Variants in GATAD2B observed in about 807,000 individuals in gnomAD.
GATAD2B encodes the protein transcriptional repressor p66-beta.
In GATAD2B, 8 loss-of-function variants were observed where a neutral mutation model predicts 64.3. The ratio of observed to expected loss-of-function variants is 0.12; its 90% CI spans 0.07 to 0.22. The LOEUF is 0.22. GATAD2B is among the 10% of genes least tolerant of loss of function. GATAD2B has a pLI of 1.00. For synonymous variants in GATAD2B, 281 were observed against 271.3 expected, an observed-to-expected ratio of 1.04 and a Z score of -0.35; for missense variants, 453 against 752.0, an observed-to-expected ratio of 0.60 and a Z score of 4.65.
In GATAD2B at chr1:153,836,531, G is replaced by T. The variant is rs1177390778; in HGVS notation, c.-1-8183C>A. 1.5e-4 allele frequency among the ~76,000 whole-genome samples: 22 copies of T among 148,042 alleles called. No individual in the cohort carries two copies. In the Admixed American group the frequency reaches 1.5e-3, roughly 10 times the overall value. ...CTCCCAAAGTGCTGGGATTACAGGC[G>T]TGAGCCACTGCACCCAGCCTAAAAA... On this transcript the variant is annotated intron_variant, in intron 1 of 10. Coordinates refer to ENST00000368655, the MANE Select transcript of GATAD2B (RefSeq NM_020699.4).
chr1:153,830,429 A>C (rs915285137), intron 1 of GATAD2B, among the ~76,000 whole-genome samples: 5 of 151,026 alleles, frequency 3.3e-5, no homozygotes, highest in African/African-American at 1.2e-4. Flanking sequence ...CACAGGCATT[A>C]GCCACTGTGC....
chr1:153,849,004 T>C, intron 1 of GATAD2B, among the ~76,000 whole-genome samples: 1 of 149,768 alleles, frequency 6.7e-6, no homozygotes, highest in East Asian at 2.0e-4. Flanking sequence ...GGGTAATTTA[T>C]ATAGGGGTAT....
intron 1 of GATAD2B, among the ~76,000 whole-genome samples, chr1:153,856,155 T>C (rs1676076658): frequency 6.6e-6 from 1 of 152,264 alleles, no homozygotes; most frequent in Non-Finnish European, 1.5e-5. Flanking sequence ...AGGACCCTTA[T>C]GATTATATTG....
intron 1 of GATAD2B, among the ~76,000 whole-genome samples, chr1:153,855,149 T>C (rs1307537032): frequency 6.6e-6 from 1 of 152,168 alleles, no homozygotes; most frequent in Non-Finnish European, 1.5e-5. Flanking sequence ...ATCTTGTTGG[T>C]TATAATGGTA....
In GATAD2B at chr1:153,878,218, G is replaced by C. The variant is rs188130898; in HGVS notation, c.-2+44515C>G. Among the ~76,000 whole-genome samples the C allele has an allele frequency of 5.3e-3, 797 of 149,912 alleles. 5 individuals carry two copies. Among genetic ancestry groups the C allele is most frequent in the South Asian group, 0.018 (86 of 4,770 alleles). ...GGGTCTCACTTTGTTTTCCAGGCTAGAGTGCAGTGGTGCAATCATGGCTCA... is the reference window on the plus strand; with the variant it reads ...GGGTCTCACTTTGTTTTCCAGGCTACAGTGCAGTGGTGCAATCATGGCTCA... On this transcript the variant is annotated intron_variant, in intron 1 of 10. Coordinates refer to ENST00000368655, the MANE Select transcript of GATAD2B (RefSeq NM_020699.4).
intron 1 of GATAD2B, among the ~76,000 whole-genome samples, chr1:153,874,360 C>T (rs1676761188): frequency 6.6e-6 from 1 of 152,100 alleles, no homozygotes; most frequent in Non-Finnish European, 1.5e-5. Context: ...TAAGACAACA[C>T]ACTACTATGA....
chr1:153,922,875 A>G lies in GATAD2B; in HGVS notation c.-144T>C, dbSNP rs1571017367. 1 of 30,222 alleles carries G rather than the reference A, an allele frequency of 3.3e-5. No individual in the cohort carries two copies. Among genetic ancestry groups the G allele is most frequent in the African/African-American group, 1.4e-4 (1 of 7,234 alleles). The allele number at this position is 30,222 out of a possible 1,614,324, so 1.9% of individuals were successfully genotyped here. On this transcript the variant is annotated 5_prime_UTR_variant, in exon 1 of 11. Coordinates refer to ENST00000368655, the MANE Select transcript of GATAD2B (RefSeq NM_020699.4). ...GGGGTAGGGGAGGGGGGCGGGCCGG[A>G]CCGGGGCGGGCGGGCGGAGCAGACA...
rs535773221 is a variant in GATAD2B at position 153,898,351 on chromosome 1, C to A, written c.-2+24382G>T. On this transcript the variant is annotated intron_variant, in intron 1 of 10. Coordinates refer to ENST00000368655, the MANE Select transcript of GATAD2B (RefSeq NM_020699.4). ...AAAAAAGAAAAAAGAAAAACAAAAA[C>A]AAAAAGAAAAGAAAAAAGAAATTAT... Among the ~76,000 whole-genome samples the A allele has an allele frequency of 2.0e-3, 278 of 139,668 alleles. 2 individuals carry two copies. Among genetic ancestry groups the A allele is most frequent in the African/African-American group, 7.0e-3 (261 of 37,496 alleles). 91.6% of individuals were successfully genotyped at this position (139,668 alleles called of 152,430 possible). A position where few individuals can be genotyped will look rare whatever the true frequency, so the allele number is the denominator to read the frequency against.
chr1:153,831,823 A>C (rs1042810784), intron 1 of GATAD2B, among the ~76,000 whole-genome samples: 1 of 152,350 alleles, frequency 6.6e-6, no homozygotes, highest in Non-Finnish European at 1.5e-5. Flanking sequence ...GAGTAGGAAA[A>C]GTCTGCCACT....
At chr1:153,899,286 T>C (rs1460857295) in intron 1 of GATAD2B, among the ~76,000 whole-genome samples, 1 of 152,000 alleles carries the variant, frequency 6.6e-6, no homozygotes, top group Non-Finnish European at 1.5e-5. Context: ...AAAGCCTCCT[T>C]TGCCAGGCAC....
intron 1 of GATAD2B, among the ~76,000 whole-genome samples, chr1:153,859,069 A>T (rs1177656735): frequency 1.3e-5 from 2 of 152,064 alleles, no homozygotes; most frequent in Non-Finnish European, 2.9e-5. Flanking sequence ...TAAATCCAAG[A>T]CGGAGGGTGG....
chr1:153,866,604 C>T (rs901495460), intron 1 of GATAD2B, among the ~76,000 whole-genome samples: 5 of 152,174 alleles, frequency 3.3e-5, no homozygotes, highest in African/African-American at 7.2e-5. Context: ...AATTATTCTG[C>T]ACTTCCCAAG....
rs146947256 is a variant in GATAD2B at position 153,836,569 on chromosome 1, A to AAAAAAAAATCAGCC, written c.-1-8222_-1-8221insGGCTGATTTTTTTT. Among the ~76,000 whole-genome samples, 1,081 of 147,046 alleles carry AAAAAAAAATCAGCC rather than the reference A, an allele frequency of 7.4e-3. 16 individuals carry two copies. Among genetic ancestry groups the AAAAAAAAATCAGCC allele is most frequent in the Middle Eastern group, 0.022 (6 of 278 alleles). On this transcript the variant is annotated intron_variant, in intron 1 of 10. Transcript: ENST00000368655. The stretch of plus-strand genomic sequence containing the variant: ...CCCAGCCTAAAAAAGTTAAAAAAAA[A>AAAAAAAAATCAGCC]AGGCATGGTGACTGAAGTGGGAAGA...
At chr1:153,875,852 A>G (rs1478816535) in intron 1 of GATAD2B, among the ~76,000 whole-genome samples, 1 of 152,150 alleles carries the variant, frequency 6.6e-6, no homozygotes, top group Admixed American at 6.6e-5. Flanking sequence ...ACAATGCATT[A>G]TCTCATTTAG....
chr1:153,885,803 C>T (rs1677164884), intron 1 of GATAD2B, among the ~76,000 whole-genome samples: 1 of 147,190 alleles, frequency 6.8e-6, no homozygotes, highest in Non-Finnish European at 1.5e-5. Flanking sequence ...GCGGAGCTTG[C>T]AGTGAGCCAA....
intron 6 of GATAD2B, among the ~76,000 whole-genome samples, chr1:153,817,093 C>G (rs892463935): frequency 6.6e-6 from 1 of 152,166 alleles, no homozygotes; most frequent in Non-Finnish European, 1.5e-5. Flanking sequence ...CTTTCTGTCA[C>G]ACATCCTTGT....
intron 2 of GATAD2B, among the ~76,000 whole-genome samples, chr1:153,821,708 T>A (rs942377520): frequency 2.6e-5 from 4 of 151,818 alleles, no homozygotes; most frequent in Non-Finnish European, 2.9e-5. Context: ...GGATTACAGG[T>A]ACCCGGCACC....
rs763266883 is a variant in GATAD2B, at chr1:153,812,085, C to T, written c.1467G>A (p.Thr489=). 2.5e-6 allele frequency: 4 copies of T among 1,613,184 alleles called. No individual in the cohort carries two copies. The highest frequency in any genetic ancestry group is 1.7e-5 in the Admixed American group (1 of 60,006). ...LQQQAALSPT[T]APAVSSVSKQ... ...TACTGACACTGGACACAGCTGGAGC[C>T]GTAGTGGGGGAGAGGGCTGCCTGCT... The change falls in exon 9 of 11, where the codon ACG becomes ACA. Residue 489 remains threonine (T), a synonymous_variant. Coordinates refer to ENST00000368655, the MANE Select transcript of GATAD2B (RefSeq NM_020699.4).
chr1:153,916,623 GT>G (rs955010050), intron 1 of GATAD2B, among the ~76,000 whole-genome samples: 1 of 151,972 alleles, frequency 6.6e-6, no homozygotes, highest in Non-Finnish European at 1.5e-5. Context: ...TATATATGAA[GT>G]TTTTTTCAAT....
Sources: allele counts gnomAD v4.1 joint callset (sites outside exome capture counted in the v4.1 genomes callset), GRCh38; gene constraint gnomAD v4.1.1; transcripts MANE v1.5; gene names NCBI Gene and HGNC (gene_info 2026-07-23, HGNC 2026-07-21).